NWD2: variants seen among roughly 807,000 people sequenced by gnomAD.
NWD2 encodes NACHT and WD repeat domain containing 2.
NWD2 carries 37 observed loss-of-function variants against 132.7 expected under a neutral mutation model. The observed-to-expected ratio is 0.28, with a 90% confidence interval of 0.21 to 0.37. NWD2 has a LOEUF of 0.37. Among genes scored for constraint, NWD2 ranks in the 10% least tolerant of loss-of-function variants. NWD2 has a pLI of 1.00. For synonymous variants in NWD2, 705 were observed against 803.0 expected (o/e 0.88, Z 2.06); for missense variants, 1,592 against 2,122.4 (o/e 0.75, Z 4.91).
intron 3 of NWD2, among the ~76,000 whole-genome samples, chr4:37,422,317 C>A (rs2109323174): frequency 6.6e-6 from 1 of 152,346 alleles, no homozygotes; most frequent in Middle Eastern, 3.4e-3. Flanking sequence ...AAAGGTGACT[C>A]TGCACATCTG....
At chr4:37,254,120 A>G (rs1368910298) in intron 1 of NWD2, among the ~76,000 whole-genome samples, 1 of 152,222 alleles carries the variant, frequency 6.6e-6, no homozygotes, top group Non-Finnish European at 1.5e-5. Context: ...ATAGCTGGGT[A>G]ATGAAATAAT....
intron 1 of NWD2, among the ~76,000 whole-genome samples, chr4:37,318,305 C>G (rs1718999913): frequency 6.6e-6 from 1 of 152,134 alleles, no homozygotes; most frequent in African/African-American, 2.4e-5. Context: ...GGATTACAGG[C>G]ATGAGCCACT....
intron 3 of NWD2, among the ~76,000 whole-genome samples, chr4:37,397,788 CCTCT>C (rs113226816): frequency 0.034 from 4,987 of 148,642 alleles, 97 homozygotes; most frequent in Non-Finnish European, 0.045. Flanking sequence ...CTGGGAACAG[CCTCT>C]CTCTCTCTCT....
intron 5 of NWD2, among the ~76,000 whole-genome samples, chr4:37,434,714 T>C (rs1038987717): frequency 3.3e-5 from 5 of 151,326 alleles, no homozygotes; most frequent in African/African-American, 1.2e-4. Flanking sequence ...AGATTTAAGA[T>C]CTCTGAGACA....
chr4:37,344,614 G>A (rs1032680174), intron 2 of NWD2, among the ~76,000 whole-genome samples: 3 of 152,022 alleles, frequency 2.0e-5, no homozygotes, highest in African/African-American at 7.2e-5. Context: ...GCGCTGTTAC[G>A]ACATTTTTTA....
At chr4:37,337,969 C>T (rs1719443836) in intron 2 of NWD2, among the ~76,000 whole-genome samples, 1 of 152,190 alleles carries the variant, frequency 6.6e-6, no homozygotes, top group Non-Finnish European at 1.5e-5. Context: ...GTTGACTCAT[C>T]TGCCACAGTG....
intron 1 of NWD2, among the ~76,000 whole-genome samples, chr4:37,324,942 A>T (rs1719140401): frequency 6.6e-6 from 1 of 152,190 alleles, no homozygotes; most frequent in Non-Finnish European, 1.5e-5. Context: ...CTTTGTTATA[A>T]ATGTGGTATG....
chr4:37,430,434 G>T (rs1712136167), intron 3 of NWD2, 138 bp from the exon 4 acceptor site: 2 of 658,874 alleles, frequency 3.0e-6, no homozygotes, highest in African/African-American at 3.6e-5. Flanking sequence ...ACTATCCACT[G>T]TGACCAAAAG....
intron 3 of NWD2, among the ~76,000 whole-genome samples, chr4:37,413,260 TA>T (rs1721198577): frequency 1.3e-5 from 2 of 152,024 alleles, no homozygotes; most frequent in African/African-American, 4.8e-5. Context: ...ACAAAGAACT[TA>T]AACAAATGTA....
chr4:37,244,945 CGGCTCTGA>C lies in NWD2; in HGVS notation c.-121_-114del. 7.6e-7 allele frequency: 1 copy of C among 1,315,116 alleles called. No individual in the cohort carries two copies. The highest frequency in any genetic ancestry group is 1.0e-6 in the Non-Finnish European group (1 of 982,928). The allele number at this position is 1,315,116 out of a possible 1,614,324, so 81.5% of individuals were successfully genotyped here. A position where few individuals can be genotyped will look rare whatever the true frequency, so the allele number is the denominator to read the frequency against. ...CGCCAAAGGCGCTTCGGGCTCGGAGCGGCTCTGAGCCGCGCCGCCTGCTGAGATCGACC... is the reference window on the plus strand; with the variant it reads ...CGCCAAAGGCGCTTCGGGCTCGGAGCGCCGCGCCGCCTGCTGAGATCGACC... On this transcript the variant is annotated 5_prime_UTR_variant, in exon 1 of 7. The change abolishes the stop of an existing upstream ORF in the 5' untranslated region. Transcript: ENST00000309447. This position sits in a 1 kb window ranked among gnomAD's most constrained non-coding sequence, Gnocchi z 5.5.
chr4:37,296,813 A>G (rs1453627536), intron 1 of NWD2, among the ~76,000 whole-genome samples: 3 of 152,140 alleles, frequency 2.0e-5, no homozygotes, highest in African/African-American at 7.2e-5. Flanking sequence ...ATGTAACAAA[A>G]AACCACTTGT....
At chr4:37,402,592 T>A (rs559937551) in intron 3 of NWD2, among the ~76,000 whole-genome samples, 1 of 152,172 alleles carries the variant, frequency 6.6e-6, no homozygotes, top group African/African-American at 2.4e-5. Flanking sequence ...TATCTAGAAT[T>A]TTTATCTATT....
intron 1 of NWD2, among the ~76,000 whole-genome samples, chr4:37,266,573 A>G (rs189287780): frequency 6.6e-6 from 1 of 152,210 alleles, no homozygotes; most frequent in African/African-American, 2.4e-5. Context: ...TAGACCAATC[A>G]CTGTGGTGAG....
intron 2 of NWD2, among the ~76,000 whole-genome samples, chr4:37,346,665 T>A (rs1439232127): frequency 1.3e-5 from 2 of 152,186 alleles, no homozygotes; most frequent in Non-Finnish European, 2.9e-5. Flanking sequence ...CTTTCATTTA[T>A]TTATATCTTC....
rs1476800376 is a variant in NWD2 at position 37,446,876 on chromosome 4, A to G, written c.4888A>G (p.Asn1630Asp). The change falls in exon 7 of 7, where the codon AAC becomes GAC. Residue 1630 changes from asparagine to aspartate, a missense_variant. Coordinates refer to ENST00000309447, the MANE Select transcript of NWD2 (RefSeq NM_001144990.2). This position sits in a 1 kb window ranked among gnomAD's most constrained non-coding sequence, Gnocchi z 6.7. The part of the protein sequence containing the change: ...TFLALSQRHL[N>D]IIVGFDDGSI... ...CCTTGCACTCTCCCAGAGGCACCTG[A>G]ACATCATTGTGGGCTTTGATGATGG... 1 of 1,551,774 alleles carries G rather than the reference A, an allele frequency of 6.4e-7. No individual in the cohort carries two copies. Among genetic ancestry groups the G allele is most frequent in the Non-Finnish European group, 8.7e-7 (1 of 1,146,982 alleles).
chr4:37,410,945 A>G (rs1577694820), intron 3 of NWD2, among the ~76,000 whole-genome samples: 1 of 152,224 alleles, frequency 6.6e-6, no homozygotes, highest in East Asian at 1.9e-4. Context: ...TTTAAAATCA[A>G]TGAGAATGAA....
intron 2 of NWD2, among the ~76,000 whole-genome samples, chr4:37,351,188 G>A (rs893158280): frequency 6.6e-6 from 1 of 152,152 alleles, no homozygotes; most frequent in African/African-American, 2.4e-5. Context: ...AATGATGCTG[G>A]CCTTATAAAA....
At chr4:37,380,054 T>G (rs1220316469) in intron 3 of NWD2, among the ~76,000 whole-genome samples, 1 of 152,272 alleles carries the variant, frequency 6.6e-6, no homozygotes, top group African/African-American at 2.4e-5. Flanking sequence ...AATTAATGCA[T>G]TTCATTGATT....
At chr4:37,419,033 T>A (rs547370111) in intron 3 of NWD2, among the ~76,000 whole-genome samples, 134 of 152,248 alleles carry the variant, frequency 8.8e-4, no homozygotes, top group African/African-American at 3.1e-3. Context: ...AACAGCATGG[T>A]ACTTGTACCA....
Sources: gnomAD v4.1 joint callset for allele counts (sites outside exome capture counted in the v4.1 genomes callset) on GRCh38, gnomAD v4.1.1 for gene constraint, Gnocchi (gnomAD v3.1) non-coding constraint, MANE v1.5 for transcripts, NCBI Gene and HGNC (gene_info 2026-07-23, HGNC 2026-07-21) for gene names.